CTNNA3: variants seen among roughly 807,000 people sequenced by gnomAD.
CTNNA3 encodes catenin alpha-3.
Under a neutral mutation model 95.7 loss-of-function variants are expected in CTNNA3, and 76 were observed. That is an observed-to-expected ratio of 0.79 (90% CI 0.66 to 0.96). The LOEUF (loss-of-function observed/expected upper bound fraction) is 0.96. Ranked by LOEUF, CTNNA3 falls within the 40% of genes least tolerant of loss-of-function variation. CTNNA3 has a pLI of 0.00. For synonymous variants in CTNNA3, 431 were observed against 374.4 expected (o/e 1.15, Z -1.74); for missense variants, 1,191 against 1,089.8 (o/e 1.09, Z -1.31).
chr10:67,356,334 C>T (rs1468833294), intron 5 of CTNNA3, among the ~76,000 whole-genome samples: 4 of 152,036 alleles, frequency 2.6e-5, no homozygotes, highest in African/African-American at 4.8e-5. Context: ...AACTGTGTCC[C>T]TTCTACCTCC....
At chr10:67,549,318 T>C (rs1840946819) in intron 3 of CTNNA3, among the ~76,000 whole-genome samples, 1 of 152,010 alleles carries the variant, frequency 6.6e-6, no homozygotes, top group Non-Finnish European at 1.5e-5. Flanking sequence ...TCAAGATCAT[T>C]AAAAGGGTGG....
At chr10:67,307,732 C>G (rs1757042305) in intron 5 of CTNNA3, among the ~76,000 whole-genome samples, 1 of 152,160 alleles carries the variant, frequency 6.6e-6, no homozygotes, top group Admixed American at 6.5e-5. Context: ...CCTATACCCC[C>G]AAACCTCAGA....
At chr10:67,464,102 T>C (rs150952700) in intron 5 of CTNNA3, among the ~76,000 whole-genome samples, 1 of 152,318 alleles carries the variant, frequency 6.6e-6, no homozygotes, top group African/African-American at 2.4e-5. Context: ...ACATTGAAAC[T>C]CGATCCTGTT....
chr10:66,853,856 A>G (rs7921848), intron 7 of CTNNA3, among the ~76,000 whole-genome samples: 88,755 of 151,948 alleles, frequency 0.58, 27,010 homozygotes, highest in African/African-American at 0.64. Context: ...AGTATGCTAC[A>G]TGCATTAGTG....
intron 5 of CTNNA3, among the ~76,000 whole-genome samples, chr10:67,492,650 C>T (rs1177799221): frequency 1.3e-5 from 2 of 152,180 alleles, no homozygotes; most frequent in African/African-American, 2.4e-5. Flanking sequence ...TCAGAGAAAT[C>T]CACTGTAAGG....
chr10:66,497,335 C>T (rs189721810), intron 11 of CTNNA3, among the ~76,000 whole-genome samples: 17 of 151,466 alleles, frequency 1.1e-4, no homozygotes, highest in African/African-American at 4.1e-4. Context: ...TTTGTCATCA[C>T]TTTGATGACA....
chr10:66,622,524 G>T (rs899153962), intron 9 of CTNNA3, among the ~76,000 whole-genome samples: 12 of 152,190 alleles, frequency 7.9e-5, no homozygotes, highest in African/African-American at 2.6e-4. Context: ...AGAGTGAGAG[G>T]TTATTTTCCC....
intron 3 of CTNNA3, among the ~76,000 whole-genome samples, chr10:67,595,455 T>C (rs980331393): frequency 1.3e-5 from 2 of 152,182 alleles, no homozygotes; most frequent in African/African-American, 4.8e-5. Context: ...TGAGAGACCA[T>C]CTTGGTATTT....
At chr10:67,289,749 AGGATGGATGAATGGATGGAT>A (rs1839756518) in intron 5 of CTNNA3, among the ~76,000 whole-genome samples, 1 of 135,632 alleles carries the variant, frequency 7.4e-6, no homozygotes, top group Admixed American at 7.1e-5. Flanking sequence ...CAACAAAGGA[AGGATGGATGAATGGATGGAT>A]GGATGGATGG....
intron 5 of CTNNA3, among the ~76,000 whole-genome samples, chr10:67,314,181 A>C (rs1409408385): frequency 6.6e-6 from 1 of 152,228 alleles, no homozygotes; most frequent in Non-Finnish European, 1.5e-5. Flanking sequence ...TGCATAGTAT[A>C]GGCATTTAAT....
At chr10:67,308,988 A>C (rs888941351) in intron 5 of CTNNA3, among the ~76,000 whole-genome samples, 1 of 152,172 alleles carries the variant, frequency 6.6e-6, no homozygotes, top group African/African-American at 2.4e-5. Context: ...TAATTCCAAC[A>C]TCTTTGAAAG....
chr10:66,565,205 ATCACTTCACCAATTTGTTGTTAG>A (rs1419789459), intron 10 of CTNNA3, among the ~76,000 whole-genome samples: 21 of 152,278 alleles, frequency 1.4e-4, no homozygotes, highest in African/African-American at 4.8e-4. Flanking sequence ...CTATAAAACA[ATCACTTCACCAATTTGTTGTTAG>A]GTACTACTTG....
chr10:66,442,871 G>A (rs1025916052), intron 11 of CTNNA3, among the ~76,000 whole-genome samples: 2 of 152,204 alleles, frequency 1.3e-5, no homozygotes, highest in South Asian at 2.1e-4. Flanking sequence ...TGCCTCACTC[G>A]GGAAGCGCAA....
intron 7 of CTNNA3, among the ~76,000 whole-genome samples, chr10:67,026,299 C>T (rs535010162): frequency 6.6e-6 from 1 of 151,854 alleles, no homozygotes; most frequent in Non-Finnish European, 1.5e-5. Context: ...TACTTATGAC[C>T]ATCTGGCAAT....
chr10:66,075,538 T>C (rs1212820697), intron 14 of CTNNA3, among the ~76,000 whole-genome samples: 1 of 151,850 alleles, frequency 6.6e-6, no homozygotes, highest in African/African-American at 2.4e-5. Flanking sequence ...CCTCCAAGAC[T>C]TTCCACAAAA....
chr10:66,535,578 A>G (rs1370065953), intron 10 of CTNNA3, among the ~76,000 whole-genome samples: 6 of 152,180 alleles, frequency 3.9e-5, no homozygotes, highest in Non-Finnish European at 7.3e-5. Flanking sequence ...ATGTCATTCT[A>G]TGTAATGGAT....
chr10:67,475,422 T>A (rs1018673210), intron 5 of CTNNA3, among the ~76,000 whole-genome samples: 1 of 152,138 alleles, frequency 6.6e-6, no homozygotes, highest in African/African-American at 2.4e-5. Context: ...AAATTATACC[T>A]CAAAAAAATC....
At chr10:66,243,055 G>A (rs2090170041) in intron 13 of CTNNA3, among the ~76,000 whole-genome samples, 2 of 152,154 alleles carry the variant, frequency 1.3e-5, no homozygotes. Context: ...GGAAGGAGGG[G>A]TCAGACATAT....
intron 12 of CTNNA3, among the ~76,000 whole-genome samples, chr10:66,299,915 T>C (rs1307772569): frequency 1.3e-5 from 2 of 152,074 alleles, no homozygotes; most frequent in African/African-American, 4.8e-5. Context: ...TTTTTTGAGA[T>C]GGAGTCTCGC....
Sources: gnomAD v4.1 joint callset for allele counts (sites outside exome capture counted in the v4.1 genomes callset) on GRCh38, gnomAD v4.1.1 for gene constraint, MANE v1.5 for transcripts, NCBI Gene and HGNC (gene_info 2026-07-23, HGNC 2026-07-21) for gene names.